RUNX1: variants seen among roughly 807,000 people sequenced by gnomAD.
RUNX1 encodes the protein RUNX family transcription factor 1.
Under a neutral mutation model 42.8 loss-of-function variants are expected in RUNX1, and 19 were observed. The ratio of observed to expected loss-of-function variants is 0.44; its 90% CI spans 0.31 to 0.65. The LOEUF (loss-of-function observed/expected upper bound fraction) is 0.65. RUNX1 is among the 30% of genes least tolerant of loss of function. The pLI is 0.07. For synonymous variants in RUNX1, 271 were observed against 289.4 expected (o/e 0.94, Z 0.64); for missense variants, 528 against 672.0 (o/e 0.79, Z 2.37).
intron 2 of RUNX1, among the ~76,000 whole-genome samples, chr21:34,905,942 G>A (rs761563168): frequency 5.1e-4 from 77 of 152,124 alleles, no homozygotes; most frequent in Non-Finnish European, 1.0e-3. Context: ...GAAGCCCTGA[G>A]TATGTATACC....
intron 5 of RUNX1, among the ~76,000 whole-genome samples, chr21:34,879,209 T>A (rs997412166): frequency 1.3e-4 from 20 of 152,246 alleles, no homozygotes; most frequent in Non-Finnish European, 2.6e-4. Flanking sequence ...GGACTTTTAA[T>A]ACAACAAGTG....
At chr21:34,925,943 T>C (rs2058389609) in intron 2 of RUNX1, among the ~76,000 whole-genome samples, 1 of 152,072 alleles carries the variant, frequency 6.6e-6, no homozygotes, top group African/African-American at 2.4e-5. Flanking sequence ...TCCTTGTGCA[T>C]CTCGTTGGGC....
intron 2 of RUNX1, among the ~76,000 whole-genome samples, chr21:34,966,653 G>T (rs2058720764): frequency 1.3e-5 from 2 of 152,156 alleles, no homozygotes; most frequent in African/African-American, 4.8e-5. Context: ...TTTTCCCCAA[G>T]GATCAGATAA....
chr21:34,828,969 G>A (rs142515494), intron 7 of RUNX1, among the ~76,000 whole-genome samples: 4 of 152,294 alleles, frequency 2.6e-5, no homozygotes, highest in Admixed American at 6.5e-5. Context: ...GTTTTTGAGT[G>A]TTAACCATGG....
Position 34,788,692 on chromosome 21 carries a change from C to T in RUNX1, c.*3443G>A, listed in dbSNP as rs2056398951. On this transcript the variant is annotated 3_prime_UTR_variant, in exon 9 of 9. Coordinates refer to ENST00000675419, the MANE Select transcript of RUNX1 (RefSeq NM_001754.5). ...AAAAGAGCCAAATGATCAGCCTCATCAATACTGACCTGGCTAAAAACAAAA... is the reference window on the plus strand; with the variant it reads ...AAAAGAGCCAAATGATCAGCCTCATTAATACTGACCTGGCTAAAAACAAAA... 4.3e-6 allele frequency: 1 copy of T among 233,382 alleles called. No homozygotes were observed. Among genetic ancestry groups the T allele is most frequent in the African/African-American group, 2.2e-5 (1 of 45,314 alleles). 14.5% of individuals were successfully genotyped at this position (233,382 alleles called of 1,614,324 possible).
At chr21:34,950,133 G>A (rs1240679902) in intron 2 of RUNX1, among the ~76,000 whole-genome samples, 1 of 152,202 alleles carries the variant, frequency 6.6e-6, no homozygotes, top group Non-Finnish European at 1.5e-5. Context: ...CTCAGGTTTT[G>A]GAAGGAGAGA....
chr21:34,985,460 A>C (rs2058878569), intron 2 of RUNX1, among the ~76,000 whole-genome samples: 1 of 152,224 alleles, frequency 6.6e-6, no homozygotes, highest in Admixed American at 6.5e-5. Flanking sequence ...AAGGAGTAGA[A>C]GCTGTGGATG....
intron 5 of RUNX1, among the ~76,000 whole-genome samples, chr21:34,863,005 T>C (rs944314248): frequency 5.3e-5 from 8 of 152,214 alleles, no homozygotes; most frequent in African/African-American, 1.9e-4. Context: ...TTTTAAGTCG[T>C]GTAGAACTTA....
chr21:34,994,111 A>ACC (rs1380986064), intron 2 of RUNX1, among the ~76,000 whole-genome samples: 9 of 152,224 alleles, frequency 5.9e-5, no homozygotes, highest in Non-Finnish European at 1.0e-4. Context: ...AGAAGGAGAA[A>ACC]GTAAAGGTTG....
In RUNX1 at chr21:34,901,303, A is replaced by G. The variant is rs1397855734; in HGVS notation, c.59-8340T>C. On this transcript the variant is annotated intron_variant, in intron 2 of 8. Coordinates refer to ENST00000675419, the MANE Select transcript of RUNX1 (RefSeq NM_001754.5). This position sits in a 1 kb window ranked among gnomAD's most constrained non-coding sequence, Gnocchi z 4.3. ...GAGGCGGGTGGATCATGAGGTCAAG[A>G]GTTTGAGACCAGCCCGGCCAACATG... Among the ~76,000 whole-genome samples the G allele has an allele frequency of 1.3e-5, 2 of 151,928 alleles. No individual in the cohort carries two copies.
chr21:34,915,359 G>A (rs1262820316), intron 2 of RUNX1, among the ~76,000 whole-genome samples: 1 of 152,170 alleles, frequency 6.6e-6, no homozygotes, highest in Non-Finnish European at 1.5e-5. Flanking sequence ...TGTATAGGAA[G>A]CACTTCACAG....
chr21:34,902,338 A>AGTAG (rs1235025445), intron 2 of RUNX1, among the ~76,000 whole-genome samples: 1 of 152,200 alleles, frequency 6.6e-6, no homozygotes, highest in Non-Finnish European at 1.5e-5. Flanking sequence ...CTGGTAGAGC[A>AGTAG]GTAGGTAGGT....
At chr21:34,797,795 C>T (rs2056550848) in intron 8 of RUNX1, among the ~76,000 whole-genome samples, 1 of 152,140 alleles carries the variant, frequency 6.6e-6, no homozygotes, top group Admixed American at 6.5e-5. Flanking sequence ...ACTGTACCAC[C>T]CAAGAACACT....
intron 5 of RUNX1, among the ~76,000 whole-genome samples, chr21:34,866,520 GTAT>G (rs1023350957): frequency 7.9e-5 from 12 of 152,166 alleles, no homozygotes; most frequent in Non-Finnish European, 1.3e-4. Flanking sequence ...TGCATTTGGA[GTAT>G]TTTTTATGAA....
Position 34,843,357 on chromosome 21 carries a change from G to GAC in RUNX1, c.614-8758_614-8757dup, listed in dbSNP as rs1057401530. ...AAACCAGGACAGACACATATATACA[G>GAC]ACGCACACACACATATACATATATC... On this transcript the variant is annotated intron_variant, in intron 6 of 8. Coordinates refer to ENST00000675419, the MANE Select transcript of RUNX1 (RefSeq NM_001754.5). This position sits in a 1 kb window ranked among gnomAD's most constrained non-coding sequence, Gnocchi z 4.8. Among the ~76,000 whole-genome samples the GAC allele has an allele frequency of 1.3e-5, 2 of 151,704 alleles. No homozygotes were observed. Among genetic ancestry groups the GAC allele is most frequent in the African/African-American group, 4.8e-5 (2 of 41,284 alleles).
At position 34,852,531 on chromosome 21, in the gene RUNX1, A is replaced by G. The variant is rs1392000320; in HGVS notation, c.613+6943T>C. Among the ~76,000 whole-genome samples the G allele has an allele frequency of 3.3e-5, 5 of 152,366 alleles. No individual in the cohort carries two copies. The East Asian group carries it at 9.6e-4, about 29-fold the overall frequency. On this transcript the variant is annotated intron_variant, in intron 6 of 8. Transcript: ENST00000675419. ...CACGATTATTATTAATGCTTTAAAA[A>G]CTGCCTTTGCCAAGTCATCAGGTAG...
At chr21:34,952,186 T>C (rs2058613487) in intron 2 of RUNX1, among the ~76,000 whole-genome samples, 1 of 151,824 alleles carries the variant, frequency 6.6e-6, no homozygotes, top group African/African-American at 2.4e-5. Context: ...GGAGAACACA[T>C]GGACATAGGG....
chr21:34,900,594 A>G (rs1230531494), intron 2 of RUNX1, among the ~76,000 whole-genome samples: 2 of 152,252 alleles, frequency 1.3e-5, no homozygotes, highest in African/African-American at 2.4e-5. Context: ...GCAAAGGCCT[A>G]CTAACCACTG....
Position 34,866,492 on chromosome 21 carries a change from C to G in RUNX1, c.509-6914G>C, listed in dbSNP as rs149126180. Among the ~76,000 whole-genome samples, 621 of 152,242 alleles carry G rather than the reference C, an allele frequency of 4.1e-3. 10 individuals carry two copies. The highest frequency in any genetic ancestry group is 0.014 in the African/African-American group (575 of 41,536). ...CTAAGTATAAAAATTAACGTACCCT[C>G]GGATTCCAGGAGTAGTCTGCATTTG... On this transcript the variant is annotated intron_variant, in intron 5 of 8. Coordinates refer to ENST00000675419, the MANE Select transcript of RUNX1 (RefSeq NM_001754.5).
Sources: allele counts gnomAD v4.1 joint callset (sites outside exome capture counted in the v4.1 genomes callset), GRCh38; gene constraint gnomAD v4.1.1; non-coding constraint Gnocchi (gnomAD v3.1); transcripts MANE v1.5; gene names NCBI Gene and HGNC (gene_info 2026-07-23, HGNC 2026-07-21).